The following COG5 variants were observed in gnomAD, a reference collection of about 807,000 sequenced individuals.
COG5 encodes the protein conserved oligomeric Golgi complex subunit 5.
Under a neutral mutation model 110.4 loss-of-function variants are expected in COG5, and 86 were observed. The ratio of observed to expected loss-of-function variants is 0.78; its 90% CI spans 0.65 to 0.93. The LOEUF is 0.93. COG5 is among the 40% of genes least tolerant of loss of function. The pLI is 0.00. For synonymous variants in COG5, 360 were observed against 334.6 expected (o/e 1.08, Z -0.83); for missense variants, 1,077 against 987.0 (o/e 1.09, Z -1.22).
chr7:107,420,445 A>C (rs888684395), intron 6 of COG5, among the ~76,000 whole-genome samples: 1 of 152,198 alleles, frequency 6.6e-6, no homozygotes, highest in Non-Finnish European at 1.5e-5. Context: ...TATTACAGAA[A>C]ACAAACACAG....
intron 14 of COG5, among the ~76,000 whole-genome samples, chr7:107,280,489 T>C (rs1195506701): frequency 1.3e-5 from 2 of 152,060 alleles, no homozygotes; most frequent in Non-Finnish European, 1.5e-5. Context: ...TTGTTTATTA[T>C]GGTATTTCAA....
intron 6 of COG5, among the ~76,000 whole-genome samples, chr7:107,478,251 G>A (rs1409549939): frequency 6.6e-6 from 1 of 151,926 alleles, no homozygotes; most frequent in Non-Finnish European, 1.5e-5. Context: ...AACTACTACT[G>A]AACAAATGTT....
intron 6 of COG5, among the ~76,000 whole-genome samples, chr7:107,415,725 T>C (rs1474132418): frequency 6.7e-6 from 1 of 149,690 alleles, no homozygotes; most frequent in Non-Finnish European, 1.5e-5. Context: ...AATGTATATA[T>C]GTATATGTAT....
chr7:107,455,637 G>T (rs1452671124), intron 6 of COG5, among the ~76,000 whole-genome samples: 2 of 152,206 alleles, frequency 1.3e-5, no homozygotes, highest in Admixed American at 1.3e-4. Flanking sequence ...GATGGTATAT[G>T]TAATAACACC....
rs765694520 is a variant in COG5, at chr7:107,256,803, A to G, written c.1687-9T>C. On this transcript the variant is annotated splice_polypyrimidine_tract_variant and intron_variant, in intron 15 of 21. Transcript: ENST00000297135. The stretch of plus-strand genomic sequence containing the variant: ...CTCTGACTGGAAACAACCTAGAACA[A>G]GGTTTTGATCCAGTTATAGTTTCGC... 3 of 1,601,568 alleles carry G rather than the reference A, an allele frequency of 1.9e-6. No homozygotes were observed. The highest frequency in any genetic ancestry group is 2.6e-6 in the Non-Finnish European group (3 of 1,169,676).
intron 7 of COG5, 72 bp downstream of exon 7, chr7:107,412,430 G>T (rs934382138): frequency 2.4e-5 from 34 of 1,442,626 alleles, no homozygotes; most frequent in Non-Finnish European, 2.9e-5. Context: ...TTACTTTTTT[G>T]AACTCAAAGT....
intron 18 of COG5, among the ~76,000 whole-genome samples, chr7:107,233,122 G>T (rs1214204050): frequency 6.6e-6 from 1 of 152,166 alleles, no homozygotes; most frequent in Non-Finnish European, 1.5e-5. Context: ...CCTATAAATA[G>T]AAATTGCTAG....
intron 6 of COG5, among the ~76,000 whole-genome samples, chr7:107,477,760 T>G (rs1797077799): frequency 1.3e-5 from 2 of 151,920 alleles, no homozygotes; most frequent in African/African-American, 2.4e-5. Context: ...CAACTATGTT[T>G]CCAACTACTG....
At chr7:107,222,232 C>A (rs972854539) in intron 19 of COG5, among the ~76,000 whole-genome samples, 1 of 151,618 alleles carries the variant, frequency 6.6e-6, no homozygotes, top group Admixed American at 6.6e-5. Context: ...TGGAGTCTCG[C>A]TCTGTCGCCC....
chr7:107,516,500 T>A (rs1799936153), intron 6 of COG5, among the ~76,000 whole-genome samples: 2 of 152,266 alleles, frequency 1.3e-5, no homozygotes, highest in South Asian at 4.1e-4. Flanking sequence ...TCTTGTGAAT[T>A]GTGCTTTGGG....
chr7:107,421,705 G>A (rs1386775974), intron 6 of COG5, among the ~76,000 whole-genome samples: 1 of 151,590 alleles, frequency 6.6e-6, no homozygotes, highest in African/African-American at 2.4e-5. Flanking sequence ...TGGGGAGGTT[G>A]CAGTGAGCTG....
chr7:107,525,608 A>G (rs1049643906), intron 6 of COG5, among the ~76,000 whole-genome samples: 7 of 151,784 alleles, frequency 4.6e-5, no homozygotes, highest in African/African-American at 1.7e-4. Context: ...GGTGGAGAAC[A>G]GTGGTGCAAT....
intron 6 of COG5, among the ~76,000 whole-genome samples, chr7:107,516,826 C>A (rs1799954962): frequency 6.6e-6 from 1 of 152,030 alleles, no homozygotes; most frequent in African/African-American, 2.4e-5. Context: ...ACAAAAAGAC[C>A]CCCACACAAA....
intron 15 of COG5, 147 bp downstream of exon 15, chr7:107,258,124 TAA>T (rs1243842606): frequency 1.6e-6 from 1 of 623,128 alleles, no homozygotes; most frequent in Non-Finnish European, 2.8e-6. Context: ...AAAGACTGTT[TAA>T]AAGAGTTAAC....
chr7:107,446,245 T>A (rs1795000026), intron 6 of COG5, among the ~76,000 whole-genome samples: 1 of 152,220 alleles, frequency 6.6e-6, no homozygotes, highest in South Asian at 2.1e-4. Context: ...AAACACCTTA[T>A]TTGCTTAAGC....
intron 1 of COG5, among the ~76,000 whole-genome samples, chr7:107,558,962 T>TCCAAGAA (rs1017285939): frequency 8.5e-6 from 1 of 117,272 alleles, no homozygotes; most frequent in African/African-American, 3.2e-5. Flanking sequence ...TAACTATTAA[T>TCCAAGAA]CCAAGAAAAC....
intron 5 of COG5, among the ~76,000 whole-genome samples, chr7:107,533,072 G>A (rs949347126): frequency 1.4e-5 from 2 of 147,966 alleles, no homozygotes; most frequent in African/African-American, 5.4e-5. Flanking sequence ...CAGCAGACCT[G>A]CAGCAGAGGG....
intron 6 of COG5, among the ~76,000 whole-genome samples, chr7:107,463,689 A>C (rs1796137771): frequency 6.6e-6 from 1 of 152,184 alleles, no homozygotes; most frequent in Non-Finnish European, 1.5e-5. Flanking sequence ...ATATGCACAA[A>C]AGGGACTACA....
intron 6 of COG5, among the ~76,000 whole-genome samples, chr7:107,473,523 T>A (rs1563054919): frequency 6.6e-6 from 1 of 151,960 alleles, no homozygotes; most frequent in Non-Finnish European, 1.5e-5. Context: ...GGATAAAGCA[T>A]CTTAAACTAG....
Sources: allele counts gnomAD v4.1 joint callset (sites outside exome capture counted in the v4.1 genomes callset), GRCh38; gene constraint gnomAD v4.1.1; transcripts MANE v1.5; gene names NCBI Gene and HGNC (gene_info 2026-07-23, HGNC 2026-07-21).